Variants in EBF4 observed in about 807,000 individuals in gnomAD.
EBF4 encodes transcription factor COE4.
A neutral mutation model predicts 67.1 loss-of-function variants in EBF4; 34 were observed. The ratio of observed to expected loss-of-function variants is 0.51; its 90% CI spans 0.39 to 0.67. The LOEUF (loss-of-function observed/expected upper bound fraction) is 0.67. Ranked by LOEUF, EBF4 falls within the 30% of genes least tolerant of loss-of-function variation. EBF4 has a pLI of 0.00. For missense variants in EBF4, 837 were observed against 873.3 expected, an observed-to-expected ratio of 0.96 and a Z score of 0.52; for synonymous variants, 387 against 377.7, an observed-to-expected ratio of 1.02 and a Z score of -0.29.
intron 1 of EBF4, among the ~76,000 whole-genome samples, chr20:2,701,557 G>C (rs918545029): frequency 1.3e-5 from 2 of 152,232 alleles, no homozygotes; most frequent in African/African-American, 4.8e-5. Context: ...GGAAGCTCAG[G>C]CCAGCATCTG....
intron 6 of EBF4, among the ~76,000 whole-genome samples, chr20:2,711,268 T>G (rs1388575191): frequency 6.6e-6 from 1 of 152,184 alleles, no homozygotes; most frequent in African/African-American, 2.4e-5. Flanking sequence ...GGAGTTTACA[T>G]CAGGACACAA....
At chr20:2,750,250 A>G (rs2088122572) in intron 10 of EBF4, among the ~76,000 whole-genome samples, 1 of 151,922 alleles carries the variant, frequency 6.6e-6, no homozygotes. Flanking sequence ...TTACTCCCTC[A>G]GCCATCTCAC....
Position 2,746,307 on chromosome 20 carries a change from A to G in EBF4, c.558-2242A>G, listed in dbSNP as rs140362637. ...ATAGGGATATATATGGCATCTACAC[A>G]TTGGTGACTACTGTTTGGGGGCATA... On this transcript the variant is annotated intron_variant, in intron 6 of 16. Coordinates refer to ENST00000609451, the Ensembl canonical transcript of EBF4. Among the ~76,000 whole-genome samples, 242 of 152,274 alleles carry G rather than the reference A, an allele frequency of 1.6e-3. 4 individuals are homozygous for G. In the South Asian group the frequency reaches 0.025, roughly 16 times the overall value.
At chr20:2,700,504 T>G (rs1262600103) in intron 1 of EBF4, among the ~76,000 whole-genome samples, 1 of 152,158 alleles carries the variant, frequency 6.6e-6, no homozygotes, top group African/African-American at 2.4e-5. Flanking sequence ...GATCAAAGAC[T>G]TTGGCCTTGG....
At chr20:2,736,232 T>C (rs1023843270) in intron 6 of EBF4, among the ~76,000 whole-genome samples, 1 of 152,024 alleles carries the variant, frequency 6.6e-6, no homozygotes, top group African/African-American at 2.4e-5. Flanking sequence ...CTCCTAGGGA[T>C]AGATAGAAGC....
intron 6 of EBF4, among the ~76,000 whole-genome samples, chr20:2,714,980 A>G (rs1463697688): frequency 6.6e-6 from 1 of 152,230 alleles, no homozygotes; most frequent in Non-Finnish European, 1.5e-5. Context: ...TGCAAAAGAA[A>G]AGTAAAACAA....
chr20:2,758,224 A>C (rs944068134), intron 15 of EBF4, among the ~76,000 whole-genome samples: 1 of 152,240 alleles, frequency 6.6e-6, no homozygotes, highest in Non-Finnish European at 1.5e-5. Flanking sequence ...ACATCCATCC[A>C]ACCGAGCAAA....
chr20:2,745,991 TG>T lies in EBF4; in HGVS notation c.558-2556del, dbSNP rs920540364. The stretch of plus-strand genomic sequence containing the variant: ...TTAGGACAGAGACCATGCCCCATCC[TG>T]GTGTTTTTCCCTCCATCTAGCACCT... On this transcript the variant is annotated intron_variant, in intron 6 of 16. Coordinates refer to ENST00000609451, the Ensembl canonical transcript of EBF4. The surrounding 1 kb of genome is among the most constrained non-coding windows in gnomAD (Gnocchi z 5.2). 6.6e-6 allele frequency among the ~76,000 whole-genome samples: 1 copy of T among 152,174 alleles called. No individual in the cohort carries two copies. Among genetic ancestry groups the T allele is most frequent in the Non-Finnish European group, 1.5e-5 (1 of 68,024 alleles).
rs2087489040 is a variant in EBF4 at position 2,708,323 on chromosome 20, G to C, written c.488+303G>C. On this transcript the variant is annotated intron_variant, in intron 5 of 16. Transcript: ENST00000609451. ...AATAAAGCTCAGGGGAGGGCTGCTG[G>C]GGTTGCGGGAACAGGGTCTGGGAAG... 2.6e-5 allele frequency among the ~76,000 whole-genome samples: 4 copies of C among 152,346 alleles called. No individual in the cohort carries two copies. The South Asian group carries it at 8.3e-4, about 32-fold the overall frequency.
chr20:2,758,515 C>T (rs566009879), intron 15 of EBF4, among the ~76,000 whole-genome samples: 23 of 152,244 alleles, frequency 1.5e-4, no homozygotes, highest in Non-Finnish European at 2.5e-4. Flanking sequence ...GAGTGACAAA[C>T]TTCGTAGGTG....
At position 2,693,656 on chromosome 20, in the gene EBF4, C is replaced by A; in HGVS notation, c.11C>A (p.Ala4Glu). ...TCACCGCGCGCCCTCATGTTCCCTG[C>A]GCAGGACGCTCTGCCCCGCAGCGGG... The change falls in exon 1 of 17, where the codon GCG becomes GAG. Residue 4 changes from alanine (A) to glutamate (E), a missense_variant. By Grantham distance (107) the Ala-to-Glu change is moderately radical. Coordinates refer to ENST00000609451, the Ensembl canonical transcript of EBF4. The surrounding 1 kb of genome is among the most constrained non-coding windows in gnomAD (Gnocchi z 4.6). 6.9e-7 allele frequency: 1 copy of A among 1,445,622 alleles called. No homozygotes were observed. Among genetic ancestry groups the A allele is most frequent in the Non-Finnish European group, 9.0e-7 (1 of 1,106,178 alleles). The allele number at this position is 1,445,622 out of a possible 1,614,324, so 89.5% of individuals were successfully genotyped here. A position where few individuals can be genotyped will look rare whatever the true frequency, so the allele number is the denominator to read the frequency against.
chr20:2,709,544 GC>G, intron 5 of EBF4, 29 bp from the exon 6 acceptor site: 1 of 1,537,578 alleles, frequency 6.5e-7, no homozygotes, highest in East Asian at 2.5e-5. Context: ...CTTGGCTTCT[GC>G]CTTCCCTCCT....
intron 6 of EBF4, among the ~76,000 whole-genome samples, chr20:2,733,062 T>C (rs977224022): frequency 6.6e-5 from 10 of 152,250 alleles, no homozygotes; most frequent in African/African-American, 2.4e-4. Context: ...TAGTATTTCT[T>C]GTAGGACAAA....
chr20:2,736,171 C>T (rs6051345), intron 6 of EBF4, among the ~76,000 whole-genome samples: 58,234 of 151,782 alleles, frequency 0.38, 13,945 homozygotes, highest in African/African-American at 0.69. Flanking sequence ...GACCCTGTGG[C>T]AGGGGTAGGG....
At chr20:2,702,002 C>T (rs12480793) in intron 1 of EBF4, among the ~76,000 whole-genome samples, 20,235 of 152,060 alleles carry the variant, frequency 0.13, 1,445 homozygotes, top group East Asian at 0.29. Context: ...GGCTGGGGAG[C>T]GGGTGAGGGG....
rs1375328892 is a variant in EBF4 at position 2,755,217 on chromosome 20, C to T, written c.1541-410C>T. 5.0e-6 allele frequency: 1 copy of T among 199,682 alleles called. No individual in the cohort carries two copies. Among genetic ancestry groups the T allele is most frequent in the Non-Finnish European group, 1.0e-5 (1 of 98,570 alleles). 12.4% of individuals were successfully genotyped at this position (199,682 alleles called of 1,614,324 possible). ...ACTACTTGTTCCAGCTCTTCTGTGA[C>T]TCCTGAACTATGACTCTAGCCTTGG... On this transcript the variant is annotated intron_variant, in intron 14 of 16. Transcript: ENST00000609451. This position sits in a 1 kb window ranked among gnomAD's most constrained non-coding sequence, Gnocchi z 4.7.
exon 14 of EBF4, chr20:2,752,400 G>T: frequency 1.6e-6 from 2 of 1,270,552 alleles, no homozygotes; most frequent in Admixed American, 3.8e-5. Flanking sequence ...GCGGGTTCGC[G>T]CCCAGCCCCG....
chr20:2,719,501 C>T (rs2087651931), intron 6 of EBF4, among the ~76,000 whole-genome samples: 1 of 152,178 alleles, frequency 6.6e-6, no homozygotes, highest in African/African-American at 2.4e-5. Flanking sequence ...TCTCAAACTC[C>T]TGACCTCAAG....
chr20:2,710,202 G>A (rs528272325), intron 6 of EBF4, among the ~76,000 whole-genome samples: 2 of 152,304 alleles, frequency 1.3e-5, no homozygotes, highest in South Asian at 4.1e-4. Flanking sequence ...AGGCTAAAGT[G>A]CAGTGGTGTG....
Sources: allele counts gnomAD v4.1 joint callset (sites outside exome capture counted in the v4.1 genomes callset), GRCh38; gene constraint gnomAD v4.1.1; non-coding constraint Gnocchi (gnomAD v3.1); transcripts MANE v1.5; gene names NCBI Gene and HGNC (gene_info 2026-07-23, HGNC 2026-07-21).